The following FBLN1 variants were observed in gnomAD, a reference collection of about 807,000 sequenced individuals.
The protein encoded by FBLN1 is fibulin-1.
FBLN1 carries 34 observed loss-of-function variants against 89.7 expected under a neutral mutation model. The ratio of observed to expected loss-of-function variants is 0.38; its 90% CI spans 0.29 to 0.50. The LOEUF (loss-of-function observed/expected upper bound fraction) is 0.50. Ranked by LOEUF, FBLN1 falls within the 20% of genes least tolerant of loss-of-function variation. FBLN1 has a pLI of 0.92. For synonymous variants in FBLN1, 393 were observed against 391.3 expected (o/e 1.00, Z -0.05); for missense variants, 777 against 988.1 (o/e 0.79, Z 2.86).
In FBLN1 at chr22:45,549,016, C is replaced by T. The variant is rs2088667837; in HGVS notation, c.1573+272C>T. On this transcript the variant is annotated intron_variant, in intron 13 of 16. Coordinates refer to ENST00000327858, the MANE Select transcript of FBLN1 (RefSeq NM_006486.3). This position sits in a 1 kb window ranked among gnomAD's most constrained non-coding sequence, Gnocchi z 5.7. ...CCGGCAGGAACACTTCAGCCCTCCTCCCCTCCCCTCAGCAGCCCCGTAAAG... is the reference window on the plus strand; with the variant it reads ...CCGGCAGGAACACTTCAGCCCTCCTTCCCTCCCCTCAGCAGCCCCGTAAAG... Among the ~76,000 whole-genome samples, 1 of 152,192 alleles carries T rather than the reference C, an allele frequency of 6.6e-6. No individual in the cohort carries two copies. The highest frequency in any genetic ancestry group is 2.1e-4 in the South Asian group (1 of 4,834).
chr22:45,589,492 G>C (rs1454469031), intron 16 of FBLN1, among the ~76,000 whole-genome samples: 1 of 152,222 alleles, frequency 6.6e-6, no homozygotes, highest in Non-Finnish European at 1.5e-5. Context: ...CTGGGATGAT[G>C]GCCTGGAAAA....
chr22:45,526,866 G>A (rs1319117246), intron 3 of FBLN1, among the ~76,000 whole-genome samples: 1 of 149,128 alleles, frequency 6.7e-6, no homozygotes, highest in East Asian at 2.0e-4. Flanking sequence ...GCTGGGCCTT[G>A]CAGATGCCGT....
chr22:45,556,088 C>T lies in FBLN1; in HGVS notation c.1697+5473C>T, dbSNP rs912096799. ...TTGTCTCACCGCAACCTCCACGTCC[C>T]GAGTTCAAGTGATTATCCTGCCTCA... On this transcript the variant is annotated intron_variant, in intron 14 of 16. Transcript: ENST00000327858. The surrounding 1 kb of genome is among the most constrained non-coding windows in gnomAD (Gnocchi z 4.6). 6.6e-6 allele frequency among the ~76,000 whole-genome samples: 1 copy of T among 152,144 alleles called. No individual in the cohort carries two copies. The highest frequency in any genetic ancestry group is 1.5e-5 in the Non-Finnish European group (1 of 68,024).
At chr22:45,589,146 AT>A (rs1357638192) in intron 16 of FBLN1, among the ~76,000 whole-genome samples, 1 of 149,728 alleles carries the variant, frequency 6.7e-6, no homozygotes, top group Admixed American at 6.7e-5. Flanking sequence ...GTAAAAATAT[AT>A]TTTTTATATA....
rs2089018661 is a variant in FBLN1 at position 45,578,666 on chromosome 22, C to T, written c.1972+1558C>T. Among the ~76,000 whole-genome samples the T allele has an allele frequency of 6.6e-6, 1 of 152,152 alleles. No homozygotes were observed. Among genetic ancestry groups the T allele is most frequent in the South Asian group, 2.1e-4 (1 of 4,828 alleles). On this transcript the variant is annotated intron_variant, in intron 16 of 16. Transcript: ENST00000327858. This position sits in a 1 kb window ranked among gnomAD's most constrained non-coding sequence, Gnocchi z 4.6. ...TCCCACTGGGTGGGTGGGGTATGCA[C>T]CCTGACACTGGCCCACAGCCGCCCC...
At chr22:45,593,063 C>T (rs764467694) in intron 16 of FBLN1, among the ~76,000 whole-genome samples, 3 of 152,092 alleles carry the variant, frequency 2.0e-5, no homozygotes, top group Admixed American at 6.6e-5. Flanking sequence ...CACAGCTGGT[C>T]GATGCAGAGC....
At chr22:45,518,127 C>CAA (rs136717) in intron 1 of FBLN1, among the ~76,000 whole-genome samples, 1,349 of 122,268 alleles carry the variant, frequency 0.011, 25 homozygotes, top group East Asian at 0.026. Context: ...GACTCTGTCT[C>CAA]AAAAAAAAAA....
intron 1 of FBLN1, among the ~76,000 whole-genome samples, chr22:45,504,507 G>A (rs1408861994): frequency 6.6e-6 from 1 of 152,160 alleles, no homozygotes; most frequent in Non-Finnish European, 1.5e-5. Context: ...GCCAGCTGGA[G>A]GGAAAACCCC....
At chr22:45,512,963 T>G (rs1363651727) in intron 1 of FBLN1, among the ~76,000 whole-genome samples, 1 of 152,226 alleles carries the variant, frequency 6.6e-6, no homozygotes, top group African/African-American at 2.4e-5. Flanking sequence ...TAAGTCATCT[T>G]TATTTTGGTT....
chr22:45,576,927 G>C lies in FBLN1; in HGVS notation c.1841-50G>C. 2.5e-6 allele frequency: 4 copies of C among 1,610,190 alleles called. No individual in the cohort carries two copies. The highest frequency in any genetic ancestry group is 3.3e-4 in the Middle Eastern group (2 of 6,060). Reference sequence around the variant, plus strand: ...GTTCCTGGGGACGAGGCTGGGACTGGGGCTGGGGCCAGGCTGTGCTGAGCC... The same window carrying C: ...GTTCCTGGGGACGAGGCTGGGACTGCGGCTGGGGCCAGGCTGTGCTGAGCC... On this transcript the variant is annotated intron_variant, in intron 15 of 16. Transcript: ENST00000327858. This position sits in a 1 kb window ranked among gnomAD's most constrained non-coding sequence, Gnocchi z 5.2.
At chr22:45,529,269 T>A (rs2088371768) in intron 4 of FBLN1, among the ~76,000 whole-genome samples, 1 of 152,220 alleles carries the variant, frequency 6.6e-6, no homozygotes, top group African/African-American at 2.4e-5. Context: ...CTGGCTATGC[T>A]CTGTCAAATC....
rs2088675419 is a variant in FBLN1, at chr22:45,549,582, T to C, written c.1573+838T>C. Among the ~76,000 whole-genome samples the C allele has an allele frequency of 6.6e-6, 1 of 152,146 alleles. No individual in the cohort carries two copies. The highest frequency in any genetic ancestry group is 2.4e-5 in the African/African-American group (1 of 41,422). On this transcript the variant is annotated intron_variant, in intron 13 of 16. Transcript: ENST00000327858. The surrounding 1 kb of genome is among the most constrained non-coding windows in gnomAD (Gnocchi z 5.7). ...CATTTCTGACGGAGCAAATGACTTT[T>C]CTCCTGGCCAGGCTCCCTCACCACA...
chr22:45,527,170 A>G (rs2088340318), intron 3 of FBLN1, among the ~76,000 whole-genome samples: 1 of 152,150 alleles, frequency 6.6e-6, no homozygotes, highest in African/African-American at 2.4e-5. Flanking sequence ...TGCTCCTCTT[A>G]GGATAACCAC....
Position 45,600,425 on chromosome 22 carries a change from C to T in FBLN1, c.2091C>T (p.Phe697=), listed in dbSNP as rs751866704. 8 of 1,614,202 alleles carry T rather than the reference C, an allele frequency of 5.0e-6. No homozygotes were observed. The East Asian group carries it at 8.9e-5, about 18-fold the overall frequency. The change falls in exon 17 of 17, where the codon TTC becomes TTT. Residue 697 remains phenylalanine, a synonymous_variant. Coordinates refer to ENST00000327858, the MANE Select transcript of FBLN1 (RefSeq NM_006486.3). The stretch of plus-strand genomic sequence containing the variant: ...GAAATGTTGTCAACGTCCACATCTT[C>T]GTCTCTGAGTACTGGTTCTGAGGGC... The part of the protein sequence containing the change: ...SHRNVVNVHI[F]VSEYWF
chr22:45,521,707 A>G (rs1338308421), intron 2 of FBLN1, among the ~76,000 whole-genome samples: 11 of 152,184 alleles, frequency 7.2e-5, no homozygotes. Flanking sequence ...TCGGGTGAGC[A>G]GGACCCCGCC....
rs2089001572 is a variant in FBLN1 at position 45,576,868 on chromosome 22, G to A, written c.1841-109G>A. 4 of 1,340,230 alleles carry A rather than the reference G, an allele frequency of 3.0e-6. No individual in the cohort carries two copies. In the African/African-American group the frequency reaches 4.3e-5, roughly 14 times the overall value. The allele number at this position is 1,340,230 out of a possible 1,614,324, so 83.0% of individuals were successfully genotyped here. ...CTTCATTGATGTTGTCTCATGAAAG[G>A]GCCCTGGGTTAGGTCTTCATTCCCC... On this transcript the variant is annotated intron_variant, in intron 15 of 16. Coordinates refer to ENST00000327858, the MANE Select transcript of FBLN1 (RefSeq NM_006486.3). This position sits in a 1 kb window ranked among gnomAD's most constrained non-coding sequence, Gnocchi z 5.2.
At chr22:45,542,103 G>A in intron 9 of FBLN1, 52 bp from the exon 10 acceptor site, 2 of 1,613,388 alleles carry the variant, frequency 1.2e-6, no homozygotes, top group Admixed American at 1.7e-5. Flanking sequence ...ATCTTGGGGG[G>A]AAAAAACCCA....
rs2088576945 is a variant in FBLN1 at position 45,542,957 on chromosome 22, C to G, written c.1196-444C>G. Among the ~76,000 whole-genome samples the G allele has an allele frequency of 2.0e-5, 3 of 152,248 alleles. No individual in the cohort carries two copies. The South Asian group carries it at 6.2e-4, about 32-fold the overall frequency. On this transcript the variant is annotated intron_variant, in intron 10 of 16. Coordinates refer to ENST00000327858, the MANE Select transcript of FBLN1 (RefSeq NM_006486.3). ...CGCATGCTCGGGACAAGTCACTTTG[C>G]ATTCCTTGTCTGAGAAATGAGGCTG... is the stretch of plus-strand genomic sequence containing the variant.
chr22:45,518,753 T>C lies in FBLN1; in HGVS notation c.151T>C (p.Ser51Pro), dbSNP rs2088205762. The C allele has an allele frequency of 6.2e-7, 1 of 1,612,224 alleles. No homozygotes were observed. The highest frequency in any genetic ancestry group is 8.5e-7 in the Non-Finnish European group (1 of 1,179,320). The change falls in exon 2 of 17, where the codon TCG becomes CCG. Residue 51 changes from serine to proline, a missense_variant. Coordinates refer to ENST00000327858, the MANE Select transcript of FBLN1 (RefSeq NM_006486.3). ...GATGGCCACTCATCAGAAGGACTGC[T>C]CGCTGCCATATGCTACGGAATCCAA... is the stretch of plus-strand genomic sequence containing the variant. ...HRMATHQKDCSLPYATESKEC... is the reference protein window; with the variant it reads ...HRMATHQKDCPLPYATESKEC...
Sources: gnomAD v4.1 joint callset for allele counts (sites outside exome capture counted in the v4.1 genomes callset) on GRCh38, gnomAD v4.1.1 for gene constraint, Gnocchi (gnomAD v3.1) non-coding constraint, MANE v1.5 for transcripts, NCBI Gene and HGNC (gene_info 2026-07-23, HGNC 2026-07-21) for gene names.